KCNC4: variants seen among roughly 807,000 people sequenced by gnomAD.
KCNC4 encodes potassium voltage-gated channel subfamily C member 4.
KCNC4 carries 23 observed loss-of-function variants against 42.8 expected under a neutral mutation model. That is an observed-to-expected ratio of 0.54 (90% CI 0.39 to 0.76). KCNC4 has a LOEUF of 0.76. Among genes scored for constraint, KCNC4 ranks in the 30% least tolerant of loss-of-function variants. KCNC4 has a pLI of 0.00. For missense variants in KCNC4, 751 were observed against 898.2 expected (o/e 0.84, Z 2.10); for synonymous variants, 422 against 393.5 (o/e 1.07, Z -0.86).
chr1:110,233,126 C>T lies in KCNC4; in HGVS notation c.*154C>T. On this transcript the variant is annotated 3_prime_UTR_variant, in exon 4 of 4. Coordinates refer to ENST00000438661, the MANE Select transcript of KCNC4 (RefSeq NM_001039574.3). Reference sequence around the variant, plus strand: ...AAAATCTCCCATGCGACCCTCGGGGCCCAGAGCCATCTGGGTCTGATGTTC... The same window carrying T: ...AAAATCTCCCATGCGACCCTCGGGGTCCAGAGCCATCTGGGTCTGATGTTC... 1 of 869,392 alleles carries T rather than the reference C, an allele frequency of 1.2e-6. No homozygotes were observed. The highest frequency in any genetic ancestry group is 1.8e-6 in the Non-Finnish European group (1 of 562,506). The allele number at this position is 869,392 out of a possible 1,614,324, so 53.9% of individuals were successfully genotyped here. A position where few individuals can be genotyped will look rare whatever the true frequency, so the allele number is the denominator to read the frequency against.
At chr1:110,268,254 TC>T (rs2101082645) in intron 1 of KCNC4, among the ~76,000 whole-genome samples, 1 of 152,332 alleles carries the variant, frequency 6.6e-6, no homozygotes, top group Non-Finnish European at 1.5e-5. Flanking sequence ...TGTGATCTTA[TC>T]CCCTGTCAAT....
In KCNC4 at chr1:110,226,029, G is replaced by A; in HGVS notation, c.1670G>A (p.Gly557Asp). ...GTGCTGTCTGATGAGGAGGGAGCTG[G>A]CCTCACCCAACCCCTGGCCTCCTCC... Reference protein sequence around the residue: ...NAVLSDEEGAGLTQPLASSPT... With the variant: ...NAVLSDEEGADLTQPLASSPT... The change falls in exon 3 of 4, where the codon GGC (glycine) becomes GAC (aspartate). Residue 557 changes from glycine to aspartate, a missense_variant. Gly to Asp is a moderately conservative substitution (Grantham distance 94). Coordinates refer to ENST00000438661, the MANE Select transcript of KCNC4 (RefSeq NM_001039574.3). 6.2e-7 allele frequency: 1 copy of A among 1,613,598 alleles called. No individual in the cohort carries two copies. Among genetic ancestry groups the A allele is most frequent in the African/African-American group, 1.3e-5 (1 of 75,030 alleles).
intron 1 of KCNC4, among the ~76,000 whole-genome samples, chr1:110,278,488 T>C (rs1367390602): frequency 6.6e-6 from 1 of 152,070 alleles, no homozygotes; most frequent in Non-Finnish European, 1.5e-5. Flanking sequence ...AACAAGCAAG[T>C]ATTTGGTTTA....
rs745804664 is a variant in KCNC4, at chr1:110,223,348, C to T, written c.1063C>T (p.Leu355=). The T allele has an allele frequency of 3.1e-6, 5 of 1,613,948 alleles. No individual in the cohort carries two copies. Among genetic ancestry groups the T allele is most frequent in the South Asian group, 2.2e-5 (2 of 91,080 alleles). ...GCGCGTGGTGCGCTTCGTGCGCATC[C>T]TGCGTATCTTCAAGCTCACACGCCA... ...FLRVVRFVRI[L]RIFKLTRHFV... is the part of the protein sequence containing the mutation. The change falls in exon 2 of 4, where the codon CTG becomes TTG. Residue 355 remains leucine, a synonymous_variant. Transcript: ENST00000438661. This position sits in a 1 kb window ranked among gnomAD's most constrained non-coding sequence, Gnocchi z 7.5.
chr1:110,245,423 C>T (rs531967350), exon 4 of KCNC4: 34 of 152,320 alleles, frequency 2.2e-4, no homozygotes, highest in African/African-American at 7.5e-4. Context: ...CTCTCCCTGT[C>T]GTCAGATGGC....
At chr1:110,259,705 G>GA (rs11376052) in intron 1 of KCNC4, among the ~76,000 whole-genome samples, 110,979 of 152,022 alleles carry the variant, frequency 0.73, 41,055 homozygotes, top group African/African-American at 0.85. Context: ...GGTGGGGCAG[G>GA]AGCTAGAAGG....
chr1:110,270,535 C>G (rs1317605118), intron 1 of KCNC4, among the ~76,000 whole-genome samples: 1 of 152,120 alleles, frequency 6.6e-6, no homozygotes, highest in Non-Finnish European at 1.5e-5. Flanking sequence ...ACAAGTTGTC[C>G]CCATATGTGT....
exon 4 of KCNC4, chr1:110,244,365 ACT>A (rs1659097566): frequency 1.7e-5 from 2 of 118,294 alleles, no homozygotes; most frequent in Admixed American, 9.5e-5. Flanking sequence ...ACATAGCGAG[ACT>A]CTGTCTAAAA....
rs529932234 is a variant in KCNC4, at chr1:110,274,105, G to A, written n.31-8429G>A. On this transcript the variant is annotated intron_variant and non_coding_transcript_variant, in intron 1 of 2. Coordinates refer to the KCNC4 transcript ENST00000412512. ...TCTAGAAAGCCCTAAAGACTCCTCC[G>A]AAAAACTCTTAGATTTGATAAATAA... Among the ~76,000 whole-genome samples the A allele has an allele frequency of 1.2e-4, 19 of 152,172 alleles. No homozygotes were observed. The South Asian group carries it at 3.1e-3, about 25-fold the overall frequency.
In KCNC4 at chr1:110,233,305, C is replaced by T. The variant is rs1237143104; in HGVS notation, c.*333C>T. 2.5e-6 allele frequency: 1 copy of T among 397,978 alleles called. No individual in the cohort carries two copies. The highest frequency in any genetic ancestry group is 4.5e-6 in the Non-Finnish European group (1 of 220,808). 24.7% of individuals were successfully genotyped at this position (397,978 alleles called of 1,614,324 possible). Reference sequence around the variant, plus strand: ...CCTTGCCCCACCCAGAGTTTCCCGTCCCCTTCACTGATTTCTGTTGTTTCT... The same window carrying T: ...CCTTGCCCCACCCAGAGTTTCCCGTTCCCTTCACTGATTTCTGTTGTTTCT... On this transcript the variant is annotated 3_prime_UTR_variant, in exon 4 of 4. Coordinates refer to ENST00000438661, the MANE Select transcript of KCNC4 (RefSeq NM_001039574.3).
At chr1:110,230,693 G>A (rs908026110) in intron 3 of KCNC4, among the ~76,000 whole-genome samples, 2 of 152,228 alleles carry the variant, frequency 1.3e-5, no homozygotes, top group African/African-American at 4.8e-5. Context: ...CGGGGAGCTG[G>A]CTCCCACACA....
exon 4 of KCNC4, chr1:110,243,476 G>C (rs529132887): frequency 1.3e-5 from 2 of 152,504 alleles, no homozygotes; most frequent in Admixed American, 1.3e-4. Flanking sequence ...CCTGCTTCCC[G>C]GACCTGCTGG....
At chr1:110,257,581 CAA>C (rs1380092589) in intron 1 of KCNC4, among the ~76,000 whole-genome samples, 1 of 151,742 alleles carries the variant, frequency 6.6e-6, no homozygotes, top group East Asian at 1.9e-4. Context: ...ATTAGCCAGG[CAA>C]GGTGGCGGGC....
chr1:110,267,670 C>T (rs1011895651), intron 1 of KCNC4, among the ~76,000 whole-genome samples: 6 of 152,134 alleles, frequency 3.9e-5, no homozygotes, highest in African/African-American at 1.4e-4. Flanking sequence ...TCCTCCTTGC[C>T]CCACTTCCTA....
In KCNC4 at chr1:110,233,294, G is replaced by C. The variant is rs1658803220; in HGVS notation, c.*322G>C. Reference sequence around the variant, plus strand: ...TCTCCCTAAGCCCTTGCCCCACCCAGAGTTTCCCGTCCCCTTCACTGATTT... The same window carrying C: ...TCTCCCTAAGCCCTTGCCCCACCCACAGTTTCCCGTCCCCTTCACTGATTT... On this transcript the variant is annotated 3_prime_UTR_variant, in exon 4 of 4. Coordinates refer to ENST00000438661, the MANE Select transcript of KCNC4 (RefSeq NM_001039574.3). The C allele has an allele frequency of 4.7e-6, 2 of 426,436 alleles. No homozygotes were observed. Among genetic ancestry groups the C allele is most frequent in the Admixed American group, 4.0e-5 (1 of 25,032 alleles). 26.4% of individuals were successfully genotyped at this position (426,436 alleles called of 1,614,324 possible). A position where few individuals can be genotyped will look rare whatever the true frequency, so the allele number is the denominator to read the frequency against.
intron 3 of KCNC4, among the ~76,000 whole-genome samples, chr1:110,231,523 TCATCCTAGACC>T (rs71704561): frequency 0.12 from 17,959 of 152,098 alleles, 1,355 homozygotes; most frequent in Admixed American, 0.24. Flanking sequence ...TCCTTCTGTC[TCATCCTAGACC>T]CATCCTAGAC....
exon 4 of KCNC4, chr1:110,239,282 C>T (rs914982504): frequency 6.6e-6 from 1 of 152,464 alleles, no homozygotes; most frequent in South Asian, 2.1e-4. Flanking sequence ...CACACATCCC[C>T]AGCTCTCTCA....
intron 1 of KCNC4, among the ~76,000 whole-genome samples, chr1:110,273,030 GC>G (rs1659661652): frequency 6.6e-6 from 1 of 152,204 alleles, no homozygotes; most frequent in African/African-American, 2.4e-5. Flanking sequence ...CTGACAATTG[GC>G]CTTGGCAGAA....
intron 1 of KCNC4, chr1:110,272,678 T>C (rs531223540): frequency 2.7e-5 from 4 of 149,546 alleles, no homozygotes; most frequent in East Asian, 2.0e-4. Flanking sequence ...AGTGAATAGG[T>C]ATCTTACAGT....
Sources: allele counts gnomAD v4.1 joint callset (sites outside exome capture counted in the v4.1 genomes callset), GRCh38; gene constraint gnomAD v4.1.1; non-coding constraint Gnocchi (gnomAD v3.1); transcripts MANE v1.5; gene names NCBI Gene and HGNC (gene_info 2026-07-23, HGNC 2026-07-21).